The following HDAC9 variants were observed in gnomAD, a reference collection of about 807,000 sequenced individuals.
HDAC9 encodes the protein MEF-2 interacting transcription repressor (MITR) protein.
A neutral mutation model predicts 139.4 loss-of-function variants in HDAC9; 41 were observed. That is an observed-to-expected ratio of 0.29 (90% CI 0.23 to 0.38). The LOEUF is 0.38. Ranked by LOEUF, HDAC9 falls within the 10% of genes least tolerant of loss-of-function variation. The pLI is 1.00. For missense variants in HDAC9, 1,147 were observed against 1,297.0 expected, an observed-to-expected ratio of 0.88 and a Z score of 1.78; for synonymous variants, 517 against 476.2, an observed-to-expected ratio of 1.09 and a Z score of -1.12.
chr7:18,502,476 C>T (rs923934798), intron 2 of HDAC9: 1 of 152,132 alleles, frequency 6.6e-6, no homozygotes, highest in Non-Finnish European at 1.5e-5. Context: ...TTTGCTACAA[C>T]GTGGATATTG....
upstream of HDAC9, among the ~76,000 whole-genome samples, chr7:18,287,477 CTT>C (rs1797527460): frequency 6.6e-6 from 1 of 152,182 alleles, no homozygotes; most frequent in African/African-American, 2.4e-5. Flanking sequence ...TGAAGACAAA[CTT>C]TGCATAGTTC....
At chr7:18,551,248 G>C (rs1415574075) in intron 2 of HDAC9, among the ~76,000 whole-genome samples, 1 of 152,158 alleles carries the variant, frequency 6.6e-6, no homozygotes, top group African/African-American at 2.4e-5. Flanking sequence ...TTTAGATATG[G>C]TAACTTTGAT....
chr7:18,432,115 A>G (rs138621603), intron 1 of HDAC9, among the ~76,000 whole-genome samples: 145 of 152,276 alleles, frequency 9.5e-4, no homozygotes, highest in African/African-American at 3.3e-3. Flanking sequence ...CAAAATCTCT[A>G]TCAATCAAAT....
At chr7:18,539,578 G>T (rs1057010881) in intron 2 of HDAC9, among the ~76,000 whole-genome samples, 2 of 152,198 alleles carry the variant, frequency 1.3e-5, no homozygotes, top group African/African-American at 4.8e-5. Context: ...ATCTAAGATG[G>T]TAACATGGAA....
chr7:18,317,678 A>G (rs1175525249), intron 1 of HDAC9, among the ~76,000 whole-genome samples: 1 of 152,184 alleles, frequency 6.6e-6, no homozygotes, highest in African/African-American at 2.4e-5. Context: ...ACTGCTGCCT[A>G]AAGTAGTGTC....
chr7:18,250,855 G>T lies in HDAC9; in HGVS notation c.25+88506G>T, dbSNP rs1794874281. Among the ~76,000 whole-genome samples, 5 of 151,866 alleles carry T rather than the reference G, an allele frequency of 3.3e-5. No individual in the cohort carries two copies. The South Asian group carries it at 1.0e-3, about 32-fold the overall frequency. On this transcript the variant is annotated intron_variant, in intron 2 of 12. Coordinates refer to the HDAC9 transcript ENST00000417496. ...TGGTTTCTCATTATGGTTTTGATTTGCATTTCTCTAATGATTAGTGATGTT... is the reference window on the plus strand; with the variant it reads ...TGGTTTCTCATTATGGTTTTGATTTTCATTTCTCTAATGATTAGTGATGTT...
At chr7:18,181,049 C>T (rs1468715845) in intron 2 of HDAC9, among the ~76,000 whole-genome samples, 4 of 152,152 alleles carry the variant, frequency 2.6e-5, no homozygotes, top group Non-Finnish European at 5.9e-5. Flanking sequence ...TTGGGACCAC[C>T]TGGATAATCT....
chr7:18,099,802 A>G (rs1304225275), intron 1 of HDAC9, among the ~76,000 whole-genome samples: 18 of 152,030 alleles, frequency 1.2e-4, no homozygotes, highest in Admixed American at 7.9e-4. Flanking sequence ...ACCCTATTCT[A>G]TTTTTCTTAC....
chr7:18,123,942 ACCT>A (rs1281175038), intron 1 of HDAC9, among the ~76,000 whole-genome samples: 2 of 152,192 alleles, frequency 1.3e-5, no homozygotes, highest in Non-Finnish European at 2.9e-5. Context: ...GTACATAACA[ACCT>A]CCTAAAGGAG....
At chr7:18,202,429 G>A (rs1343248885) in intron 2 of HDAC9, among the ~76,000 whole-genome samples, 1 of 152,078 alleles carries the variant, frequency 6.6e-6, no homozygotes, top group Non-Finnish European at 1.5e-5. Flanking sequence ...ATGTTGCACA[G>A]ACACTTGTAC....
At chr7:18,260,324 T>G (rs1241785269) in intron 2 of HDAC9, among the ~76,000 whole-genome samples, 4 of 46,462 alleles carry the variant, frequency 8.6e-5, no homozygotes, top group Non-Finnish European at 1.2e-4. Context: ...TTTTTTTTTG[T>G]TTTTTTTTTT....
chr7:18,950,744 G>A (rs1310976045), intron 23 of HDAC9, among the ~76,000 whole-genome samples: 2 of 151,874 alleles, frequency 1.3e-5, no homozygotes, highest in Non-Finnish European at 2.9e-5. Flanking sequence ...CAATATTTGC[G>A]GTGGTCCTTG....
chr7:18,904,108 C>T (rs1348064721), intron 22 of HDAC9, among the ~76,000 whole-genome samples: 1 of 152,156 alleles, frequency 6.6e-6, no homozygotes, highest in Non-Finnish European at 1.5e-5. Flanking sequence ...CTTTAGCATT[C>T]CTTGGATTAA....
chr7:18,311,123 A>C (rs1351119246), intron 1 of HDAC9, among the ~76,000 whole-genome samples: 5 of 152,080 alleles, frequency 3.3e-5, no homozygotes, highest in Middle Eastern at 3.2e-3. Context: ...GATGACAAAA[A>C]TAGGTTACTG....
At chr7:18,495,733 G>A (rs1796770056), upstream of HDAC9, 1 of 988,764 alleles carries the variant, frequency 1.0e-6, no homozygotes, top group South Asian at 4.7e-5. Flanking sequence ...TGAGCTGAGA[G>A]AGACTGAGAA....
At chr7:18,541,857 A>C (rs566196633) in intron 2 of HDAC9, among the ~76,000 whole-genome samples, 69 of 152,276 alleles carry the variant, frequency 4.5e-4, no homozygotes, top group Non-Finnish European at 8.5e-4. Flanking sequence ...CTTTATGGTA[A>C]ATCTGTATTA....
chr7:18,661,110 A>G (rs1358723355), intron 11 of HDAC9, among the ~76,000 whole-genome samples: 2 of 152,142 alleles, frequency 1.3e-5, no homozygotes, highest in Non-Finnish European at 2.9e-5. Context: ...TTAGGAGCAC[A>G]GTAGTAGCAG....
intron 2 of HDAC9, among the ~76,000 whole-genome samples, chr7:18,549,690 T>C (rs1761370571): frequency 6.6e-6 from 1 of 152,134 alleles, no homozygotes; most frequent in Non-Finnish European, 1.5e-5. Flanking sequence ...GATTCCTCTT[T>C]GTACTACTTT....
intron 13 of HDAC9, among the ~76,000 whole-genome samples, chr7:18,733,284 A>G (rs553649780): frequency 1.4e-5 from 2 of 147,996 alleles, no homozygotes. Context: ...ATATATGTGT[A>G]TATATGTGTA....
Sources: gnomAD v4.1 joint callset for allele counts (sites outside exome capture counted in the v4.1 genomes callset) on GRCh38, gnomAD v4.1.1 for gene constraint, MANE v1.5 for transcripts, NCBI Gene and HGNC (gene_info 2026-07-23, HGNC 2026-07-21) for gene names.